SIMC1: variants seen among roughly 807,000 people sequenced by gnomAD.
The protein encoded by SIMC1 is SUMO interacting motifs containing 1, also known as SUMO-interacting motif-containing protein 1.
SIMC1 carries 55 observed loss-of-function variants against 82.3 expected under a neutral mutation model. The ratio of observed to expected loss-of-function variants is 0.67; its 90% CI spans 0.54 to 0.84. SIMC1 has a LOEUF of 0.84. Among genes scored for constraint, SIMC1 ranks in the 40% least tolerant of loss-of-function variants. The pLI is 0.00. For missense variants in SIMC1, 915 were observed against 1,107.2 expected (o/e 0.83, Z 2.46); for synonymous variants, 353 against 426.3 (o/e 0.83, Z 2.12).
At chr5:176,312,273 C>T (rs188446343) in intron 4 of SIMC1, among the ~76,000 whole-genome samples, 62 of 152,236 alleles carry the variant, frequency 4.1e-4, no homozygotes, top group African/African-American at 1.2e-3. Flanking sequence ...CAGCGGCTCA[C>T]GCCTATAATC....
chr5:176,282,036 G>A (rs1052974223), intron 1 of SIMC1, among the ~76,000 whole-genome samples: 5 of 152,266 alleles, frequency 3.3e-5, no homozygotes, highest in African/African-American at 1.2e-4. Context: ...CCCCAGAGGT[G>A]GAGCCTACAG....
intron 7 of SIMC1, among the ~76,000 whole-genome samples, chr5:176,330,686 C>T (rs1225063791): frequency 3.3e-5 from 5 of 151,984 alleles, no homozygotes; most frequent in Admixed American, 6.6e-5. Flanking sequence ...AAGAAAGAGA[C>T]GGGACCCCCT....
At chr5:176,305,136 A>AGCGGGGGGGGGGGG (rs1428016379) in intron 4 of SIMC1, among the ~76,000 whole-genome samples, 1 of 32,674 alleles carries the variant, frequency 3.1e-5, no homozygotes. Flanking sequence ...GCCATCCAGG[A>AGCGGGGGGGGGGGG]GGGGGGGGGG....
At chr5:176,256,735 T>C (rs995903917) in intron 1 of SIMC1, among the ~76,000 whole-genome samples, 14 of 152,304 alleles carry the variant, frequency 9.2e-5, no homozygotes, top group African/African-American at 3.4e-4. Context: ...AACAATTATC[T>C]TTTCTCCAAT....
At chr5:176,278,996 T>C (rs1762850713) in intron 1 of SIMC1, among the ~76,000 whole-genome samples, 1 of 152,224 alleles carries the variant, frequency 6.6e-6, no homozygotes, top group Non-Finnish European at 1.5e-5. Flanking sequence ...TCTCTTTTTC[T>C]ATTGATTGGA....
intron 1 of SIMC1, among the ~76,000 whole-genome samples, chr5:176,283,068 G>A (rs1358120042): frequency 1.6e-4 from 24 of 152,170 alleles, no homozygotes; most frequent in African/African-American, 5.8e-4. Context: ...TGAAAGTGAT[G>A]GGGAGAATGG....
chr5:176,300,875 C>T (rs1370703677), intron 4 of SIMC1, among the ~76,000 whole-genome samples: 1 of 152,038 alleles, frequency 6.6e-6, no homozygotes, highest in Non-Finnish European at 1.5e-5. Context: ...TTCCTAGAAA[C>T]CTACCAAGAT....
intron 7 of SIMC1, among the ~76,000 whole-genome samples, chr5:176,334,047 A>T (rs1218669732): frequency 6.6e-6 from 1 of 151,248 alleles, no homozygotes; most frequent in Non-Finnish European, 1.5e-5. Flanking sequence ...ATCTTAATTT[A>T]CTTGCTTGCT....
At chr5:176,253,076 C>T (rs1209416325) in intron 1 of SIMC1, among the ~76,000 whole-genome samples, 3 of 152,252 alleles carry the variant, frequency 2.0e-5, no homozygotes, top group South Asian at 2.1e-4. Flanking sequence ...TGCAGTGAGC[C>T]GAGATGGCAG....
chr5:176,258,003 T>TAA (rs1761903286), intron 1 of SIMC1, among the ~76,000 whole-genome samples: 1 of 152,228 alleles, frequency 6.6e-6, no homozygotes, highest in Non-Finnish European at 1.5e-5. Context: ...GTTAGTTTTA[T>TAA]AAGTTAATTA....
chr5:176,250,459 T>C (rs1299112293), intron 1 of SIMC1, among the ~76,000 whole-genome samples: 1 of 152,238 alleles, frequency 6.6e-6, no homozygotes, highest in African/African-American at 2.4e-5. Context: ...TGGAGAGCTC[T>C]GTAGATGTCT....
intron 5 of SIMC1, among the ~76,000 whole-genome samples, chr5:176,319,919 G>A (rs1422340563): frequency 6.6e-6 from 1 of 152,060 alleles, no homozygotes; most frequent in Non-Finnish European, 1.5e-5. Context: ...TTAAAGGTGC[G>A]AGACTCAAAA....
intron 3 of SIMC1, among the ~76,000 whole-genome samples, chr5:176,295,634 G>A (rs1431150612): frequency 2.0e-5 from 3 of 150,346 alleles, no homozygotes; most frequent in Non-Finnish European, 4.4e-5. Context: ...TTCTGTTTTG[G>A]GGCCGCATGT....
At chr5:176,252,086 GAGCTGTT>G (rs1477194200) in intron 1 of SIMC1, among the ~76,000 whole-genome samples, 3 of 152,154 alleles carry the variant, frequency 2.0e-5, no homozygotes, top group Non-Finnish European at 4.4e-5. Context: ...CGTTCTCAAT[GAGCTGTT>G]GGGTACACCT....
intron 1 of SIMC1, among the ~76,000 whole-genome samples, chr5:176,279,041 A>G (rs569197178): frequency 3.9e-5 from 6 of 152,172 alleles, no homozygotes; most frequent in Admixed American, 1.3e-4. Flanking sequence ...GCTCCTCCTT[A>G]TACCTCTGGT....
At chr5:176,337,229 A>G in intron 9 of SIMC1, 83 bp downstream of exon 9, 2 of 1,144,516 alleles carry the variant, frequency 1.7e-6, no homozygotes, top group Admixed American at 2.0e-5. Flanking sequence ...GGATATTCTG[A>G]TTTGTTGACA....
intron 1 of SIMC1, chr5:176,263,550 A>G (rs1442023326): frequency 2.3e-5 from 33 of 1,407,162 alleles, no homozygotes; most frequent in Middle Eastern, 1.8e-4. Flanking sequence ...GAACATTCAT[A>G]TTTTGCAGGA....
At chr5:176,342,685 C>G (rs1766202366) in intron 9 of SIMC1, among the ~76,000 whole-genome samples, 1 of 152,190 alleles carries the variant, frequency 6.6e-6, no homozygotes, top group Non-Finnish European at 1.5e-5. Context: ...CTGCTTTTCC[C>G]TTTGACCTTT....
At chr5:176,297,770 A>T (rs1481706978) in intron 4 of SIMC1, among the ~76,000 whole-genome samples, 1 of 152,192 alleles carries the variant, frequency 6.6e-6, no homozygotes, top group South Asian at 2.1e-4. Flanking sequence ...GGAATTTGAA[A>T]ATATATCCTC....
Sources: allele counts gnomAD v4.1 joint callset (sites outside exome capture counted in the v4.1 genomes callset), GRCh38; gene constraint gnomAD v4.1.1; transcripts MANE v1.5; gene names NCBI Gene and HGNC (gene_info 2026-07-23, HGNC 2026-07-21).